DEAF1: variants seen among roughly 807,000 people sequenced by gnomAD.
The protein encoded by DEAF1 is deformed epidermal autoregulatory factor 1 homolog.
DEAF1 carries 53 observed loss-of-function variants against 58.9 expected under a neutral mutation model. The observed-to-expected ratio is 0.90, with a 90% confidence interval of 0.72 to 1.13. The LOEUF (loss-of-function observed/expected upper bound fraction) is 1.13. DEAF1 is among the 50% of genes most tolerant of loss of function. DEAF1 has a pLI of 0.00. For missense variants in DEAF1, 685 were observed against 791.4 expected (o/e 0.87, Z 1.61); for synonymous variants, 385 against 340.4 (o/e 1.13, Z -1.44).
At chr11:701,284 A>G (rs1176576207) in intron 1 of DEAF1, among the ~76,000 whole-genome samples, 2 of 151,452 alleles carry the variant, frequency 1.3e-5, no homozygotes, top group African/African-American at 2.4e-5. Context: ...GGCTTGAGCG[A>G]TCCTCCTGCC....
At chr11:663,701 A>G (rs1033384140) in intron 10 of DEAF1, among the ~76,000 whole-genome samples, 3 of 148,570 alleles carry the variant, frequency 2.0e-5, no homozygotes, top group Non-Finnish European at 4.4e-5. Flanking sequence ...TCTGAAGTGA[A>G]TATCAGGCTT....
chr11:676,930 C>A (rs1242333658), intron 9 of DEAF1, among the ~76,000 whole-genome samples: 1 of 152,206 alleles, frequency 6.6e-6, no homozygotes, highest in African/African-American at 2.4e-5. Flanking sequence ...AGCACAAACA[C>A]GCACACGTGC....
At chr11:689,810 T>C (rs1396249359) in intron 2 of DEAF1, 1 of 152,232 alleles carries the variant, frequency 6.6e-6, no homozygotes, top group Non-Finnish European at 1.5e-5. Context: ...CTGGTCTTCC[T>C]GGCCTGGAGG....
intron 1 of DEAF1, chr11:703,836 T>G: frequency 8.1e-7 from 1 of 1,234,996 alleles, no homozygotes; most frequent in Non-Finnish European, 1.0e-6. Context: ...AGGCCGGGGA[T>G]GAGACTGCAG....
At chr11:667,173 T>C (rs535333221) in intron 10 of DEAF1, among the ~76,000 whole-genome samples, 8 of 152,012 alleles carry the variant, frequency 5.3e-5, no homozygotes, top group Admixed American at 1.3e-4. Context: ...CAGCTAAAAA[T>C]TGGCCGGGAG....
At chr11:703,173 A>G in intron 1 of DEAF1, 1 of 1,586,972 alleles carries the variant, frequency 6.3e-7, no homozygotes, top group Non-Finnish European at 8.6e-7. Context: ...GGGATACCCC[A>G]CACTGGGGCC....
Position 658,650 on chromosome 11 carries a change from G to C in DEAF1, c.1504-4599C>G, listed in dbSNP as rs1359415481. 2.6e-5 allele frequency among the ~76,000 whole-genome samples: 4 copies of C among 152,266 alleles called. No homozygotes were observed. The East Asian group carries it at 7.7e-4, about 29-fold the overall frequency. On this transcript the variant is annotated intron_variant, in intron 10 of 11. Transcript: ENST00000382409. ...AGAAGCTCATGCTGCCAAGCAGCTGGCATTGCCATTAGCATTCAGAGTTCT... is the reference window on the plus strand; with the variant it reads ...AGAAGCTCATGCTGCCAAGCAGCTGCCATTGCCATTAGCATTCAGAGTTCT...
At chr11:657,110 C>G (rs1417791445) in intron 10 of DEAF1, among the ~76,000 whole-genome samples, 1 of 129,394 alleles carries the variant, frequency 7.7e-6, no homozygotes, top group Non-Finnish European at 1.8e-5. Context: ...AGCACCGGAC[C>G]CACCTGGCAC....
intron 10 of DEAF1, 28 bp downstream of exon 10, chr11:674,508 C>A (rs778424997): frequency 5.0e-6 from 8 of 1,613,490 alleles, no homozygotes; most frequent in African/African-American, 4.0e-5. Flanking sequence ...CGGCACAGGT[C>A]GTGTCTTCCC....
chr11:702,694 C>T (rs995853621), intron 1 of DEAF1, among the ~76,000 whole-genome samples: 12 of 152,264 alleles, frequency 7.9e-5, no homozygotes, highest in African/African-American at 2.9e-4. Context: ...CCAGAAGACC[C>T]AGAGACAGAT....
chr11:695,550 G>A, upstream of DEAF1: 3 of 1,207,428 alleles, frequency 2.5e-6, no homozygotes, highest in Non-Finnish European at 2.1e-6. Context: ...TCCCGCCGCC[G>A]GCGGAAGCCG....
chr11:651,583 A>G (rs1007276633), intron 11 of DEAF1, among the ~76,000 whole-genome samples: 1 of 152,114 alleles, frequency 6.6e-6, no homozygotes. Flanking sequence ...GCATAATGGC[A>G]GATAAAAACA....
chr11:656,616 G>C (rs1051179244), intron 10 of DEAF1, among the ~76,000 whole-genome samples: 1 of 152,346 alleles, frequency 6.6e-6, no homozygotes, highest in African/African-American at 2.4e-5. Flanking sequence ...GGTGGGGTGG[G>C]AGGCTGGCGG....
At chr11:669,356 A>G (rs979694972) in intron 10 of DEAF1, among the ~76,000 whole-genome samples, 3 of 151,932 alleles carry the variant, frequency 2.0e-5, no homozygotes, top group Admixed American at 6.6e-5. Flanking sequence ...TAGAAAATCA[A>G]CTGGGTGCAG....
At chr11:693,987 C>T (rs1209927150) in intron 1 of DEAF1, among the ~76,000 whole-genome samples, 1 of 152,200 alleles carries the variant, frequency 6.6e-6, no homozygotes, top group African/African-American at 2.4e-5. Flanking sequence ...ACCACACAGC[C>T]ACGCTGACCT....
At chr11:675,259 C>CTGT (rs1385272988) in intron 9 of DEAF1, among the ~76,000 whole-genome samples, 4 of 152,264 alleles carry the variant, frequency 2.6e-5, no homozygotes, top group Non-Finnish European at 4.4e-5. Context: ...TGGCTCATGC[C>CTGT]TGTAATCCCT....
chr11:697,436 T>C (rs868599564), upstream of DEAF1: 4 of 152,350 alleles, frequency 2.6e-5, no homozygotes, highest in Middle Eastern at 3.4e-3. Flanking sequence ...AAGGCTACGT[T>C]CGGTCAGAAT....
intron 10 of DEAF1, among the ~76,000 whole-genome samples, chr11:660,302 T>G (rs1859265700): frequency 6.6e-6 from 1 of 152,210 alleles, no homozygotes; most frequent in Admixed American, 6.5e-5. Context: ...GAAATGACCA[T>G]GATACAGATC....
intron 11 of DEAF1, among the ~76,000 whole-genome samples, chr11:645,865 A>G (rs375019044): frequency 1.3e-5 from 2 of 152,230 alleles, no homozygotes; most frequent in Non-Finnish European, 2.9e-5. Context: ...GGGGCGTGAT[A>G]GGTACGTATA....
Sources: allele counts gnomAD v4.1 joint callset (sites outside exome capture counted in the v4.1 genomes callset), GRCh38; gene constraint gnomAD v4.1.1; transcripts MANE v1.5; gene names NCBI Gene and HGNC (gene_info 2026-07-23, HGNC 2026-07-21).